Variants in CADM2 observed in about 807,000 individuals in gnomAD.
CADM2 encodes the protein immunoglobulin superfamily member 4D.
A neutral mutation model predicts 49.8 loss-of-function variants in CADM2; 12 were observed. That is an observed-to-expected ratio of 0.24 (90% confidence interval 0.15 to 0.39). The LOEUF (loss-of-function observed/expected upper bound fraction) is 0.39, where lower values mean the gene tolerates loss of function less well. CADM2 is among the 10% of genes least tolerant of loss of function. The pLI, the probability that CADM2 is intolerant of heterozygous loss-of-function variation, is 1.00. For synonymous variants in CADM2, 214 were observed against 175.4 expected (o/e 1.22, Z -1.74); for missense variants, 378 against 492.3 (o/e 0.77, Z 2.20).
At chr3:85,229,409 C>T (rs2042234319) in intron 1 of CADM2, among the ~76,000 whole-genome samples, 1 of 152,150 alleles carries the variant, frequency 6.6e-6, no homozygotes, top group Non-Finnish European at 1.5e-5. Flanking sequence ...CCTTGTGCTT[C>T]CTGGGTGAGG....
intron 8 of CADM2, among the ~76,000 whole-genome samples, chr3:85,971,742 CTT>C (rs1243996536): frequency 6.6e-6 from 1 of 151,466 alleles, no homozygotes; most frequent in Admixed American, 6.6e-5. Context: ...TGAAATTTCA[CTT>C]TACTTTTGTC....
intron 2 of CADM2, among the ~76,000 whole-genome samples, chr3:85,759,561 G>T (rs184679479): frequency 5.9e-5 from 9 of 152,150 alleles, no homozygotes; most frequent in Non-Finnish European, 1.0e-4. Flanking sequence ...TTCAAGCTTA[G>T]CATGGAGAAA....
intron 5 of CADM2, among the ~76,000 whole-genome samples, chr3:85,910,092 TA>T (rs1717383770): frequency 2.0e-5 from 3 of 152,186 alleles, no homozygotes; most frequent in African/African-American, 7.2e-5. Context: ...TATCAAATGT[TA>T]TGTGTCCAAT....
rs540382287 is a variant in CADM2, at chr3:85,417,991, G to C, written c.62-308531G>C. ...ACATACTTTAAGTAGGAAGGTACTG[G>C]AACCAAAGCTATACCACACGGTTAT... is the stretch of plus-strand genomic sequence containing the variant. On this transcript the variant is annotated intron_variant, in intron 1 of 9. Coordinates refer to ENST00000383699, the MANE Select transcript of CADM2 (RefSeq NM_001167675.2). 2.0e-4 allele frequency among the ~76,000 whole-genome samples: 30 copies of C among 152,102 alleles called. 1 individual carries two copies. The highest frequency in any genetic ancestry group is 1.8e-3 in the Admixed American group (27 of 15,260).
Position 85,561,750 on chromosome 3 carries a change from T to A in CADM2, c.62-164772T>A, listed in dbSNP as rs532578263. Among the ~76,000 whole-genome samples, 1,145 of 152,038 alleles carry A rather than the reference T, an allele frequency of 7.5e-3. 20 individuals carry two copies. The highest frequency in any genetic ancestry group is 0.027 in the African/African-American group (1,105 of 41,422). On this transcript the variant is annotated intron_variant, in intron 1 of 9. Transcript: ENST00000383699. ...TCATTCAATAACACTATATTATACCTTTTTTTTAGGCAAGTGAGGTCTTGA... is the reference window on the plus strand; with the variant it reads ...TCATTCAATAACACTATATTATACCATTTTTTTAGGCAAGTGAGGTCTTGA...
chr3:86,065,813 T>G, intron 9 of CADM2, 83 bp downstream of exon 9: 1 of 1,366,268 alleles, frequency 7.3e-7, no homozygotes, highest in Non-Finnish European at 1.0e-6. Flanking sequence ...TCAGTGCATA[T>G]ATGTTTCTGT....
rs1739610310 is a variant in CADM2, at chr3:86,068,989, C to T, written c.*2206C>T. 6.6e-6 allele frequency: 1 copy of T among 151,892 alleles called. No homozygotes were observed. Among genetic ancestry groups the T allele is most frequent in the Admixed American group, 6.6e-5 (1 of 15,230 alleles). 9.4% of individuals were successfully genotyped at this position (151,892 alleles called of 1,614,324 possible). A position where few individuals can be genotyped will look rare whatever the true frequency, so the allele number is the denominator to read the frequency against. On this transcript the variant is annotated 3_prime_UTR_variant, in exon 10 of 10. Transcript: ENST00000383699. ...TTTCAATGCATAATCTTTAGAAAGA[C>T]TCCACAAAGCAAAATTCATCCTGTT...
At chr3:85,731,568 T>C (rs2067929985) in intron 2 of CADM2, among the ~76,000 whole-genome samples, 1 of 152,138 alleles carries the variant, frequency 6.6e-6, no homozygotes, top group South Asian at 2.1e-4. Context: ...CAAAAACATG[T>C]AGTCCTAGGT....
chr3:85,241,764 A>G (rs1249352127), intron 1 of CADM2, among the ~76,000 whole-genome samples: 1 of 151,580 alleles, frequency 6.6e-6, no homozygotes, highest in Non-Finnish European at 1.5e-5. Context: ...ATGTGGAATC[A>G]ATCAAAGAAT....
At chr3:86,009,925 A>G (rs1468757156) in intron 8 of CADM2, among the ~76,000 whole-genome samples, 1 of 151,860 alleles carries the variant, frequency 6.6e-6, no homozygotes, top group Non-Finnish European at 1.5e-5. Flanking sequence ...GTAACACAAC[A>G]CAATTTTCGA....
chr3:86,062,018 G>A (rs1260832313), intron 8 of CADM2, among the ~76,000 whole-genome samples: 2 of 151,442 alleles, frequency 1.3e-5, no homozygotes, highest in African/African-American at 2.4e-5. Context: ...CAATTTTTTG[G>A]CAATGTACAT....
chr3:85,151,279 A>G (rs1203974251), intron 1 of CADM2, among the ~76,000 whole-genome samples: 3 of 151,836 alleles, frequency 2.0e-5, no homozygotes, highest in African/African-American at 7.3e-5. Flanking sequence ...CGTTCTACTG[A>G]GAAACTCTTC....
chr3:85,393,030 G>A (rs2107404008), intron 1 of CADM2, among the ~76,000 whole-genome samples: 1 of 150,864 alleles, frequency 6.6e-6, no homozygotes, highest in African/African-American at 2.4e-5. Context: ...ACAATTTCAG[G>A]GATGCAGTTT....
chr3:85,186,822 A>G (rs2041077160), intron 1 of CADM2, among the ~76,000 whole-genome samples: 1 of 152,160 alleles, frequency 6.6e-6, no homozygotes, highest in Non-Finnish European at 1.5e-5. Flanking sequence ...AGTTAGTTGT[A>G]AGTGTATAAT....
At chr3:85,938,900 C>T (rs1204856327) in intron 7 of CADM2, among the ~76,000 whole-genome samples, 1 of 151,774 alleles carries the variant, frequency 6.6e-6, no homozygotes, top group Admixed American at 6.6e-5. Context: ...TTGTAGCTGT[C>T]TTCAATAATA....
chr3:86,007,052 A>G (rs2106869407), intron 8 of CADM2, among the ~76,000 whole-genome samples: 1 of 152,166 alleles, frequency 6.6e-6, no homozygotes, highest in East Asian at 1.9e-4. Flanking sequence ...AAAATAAAAA[A>G]TAAAAATTAA....
chr3:85,943,899 C>G (rs1722297382), intron 7 of CADM2, among the ~76,000 whole-genome samples: 2 of 152,014 alleles, frequency 1.3e-5, no homozygotes, highest in African/African-American at 4.8e-5. Flanking sequence ...ATCAAAATGA[C>G]AGGATCAAAT....
intron 6 of CADM2, among the ~76,000 whole-genome samples, chr3:85,913,667 C>G (rs1184029571): frequency 1.3e-5 from 2 of 152,130 alleles, no homozygotes; most frequent in African/African-American, 4.8e-5. Context: ...CCTCCGCTAT[C>G]ACCAACAAAC....
intron 2 of CADM2, among the ~76,000 whole-genome samples, chr3:85,739,573 G>A (rs2068291795): frequency 6.6e-6 from 1 of 152,008 alleles, no homozygotes; most frequent in Non-Finnish European, 1.5e-5. Flanking sequence ...AAATGAATAG[G>A]ATGACAATAC....
Sources: gnomAD v4.1 joint callset for allele counts (sites outside exome capture counted in the v4.1 genomes callset) on GRCh38, gnomAD v4.1.1 for gene constraint, MANE v1.5 for transcripts, NCBI Gene and HGNC (gene_info 2026-07-23, HGNC 2026-07-21) for gene names.